MARCHF1: variants seen among roughly 807,000 people sequenced by gnomAD.
MARCHF1 encodes the protein E3 ubiquitin-protein ligase MARCHF1.
Under a neutral mutation model 54.2 loss-of-function variants are expected in MARCHF1, and 40 were observed. That is an observed-to-expected ratio of 0.74 (90% confidence interval 0.57 to 0.96). The LOEUF (loss-of-function observed/expected upper bound fraction) is 0.96, where lower values mean the gene tolerates loss of function less well. Ranked by LOEUF, MARCHF1 falls within the 40% of genes least tolerant of loss-of-function variation. The pLI, the probability that MARCHF1 is intolerant of heterozygous loss-of-function variation, is 0.00. For synonymous variants in MARCHF1, 236 were observed against 236.3 expected (o/e 1.00, Z 0.01); for missense variants, 586 against 656.5 (o/e 0.89, Z 1.17).
At chr4:163,881,767 T>C (rs948401462) in intron 3 of MARCHF1, among the ~76,000 whole-genome samples, 19 of 152,152 alleles carry the variant, frequency 1.2e-4, no homozygotes, top group African/African-American at 4.6e-4. Flanking sequence ...TGAACTTTAC[T>C]TGGGCCCATA....
At chr4:164,331,877 C>G (rs1472507863) in intron 1 of MARCHF1, among the ~76,000 whole-genome samples, 1 of 152,090 alleles carries the variant, frequency 6.6e-6, no homozygotes, top group Non-Finnish European at 1.5e-5. Flanking sequence ...AATAAAAGAA[C>G]TTCCATGTGC....
intron 4 of MARCHF1, among the ~76,000 whole-genome samples, chr4:163,820,709 T>A (rs1748669083): frequency 6.6e-6 from 1 of 152,024 alleles, no homozygotes; most frequent in East Asian, 1.9e-4. Context: ...TTTAGAGCCC[T>A]CTCTCTCATT....
chr4:163,910,671 A>G (rs1751170263), intron 3 of MARCHF1, among the ~76,000 whole-genome samples: 1 of 151,952 alleles, frequency 6.6e-6, no homozygotes, highest in Non-Finnish European at 1.5e-5. Context: ...ATTTTTTTGT[A>G]TTTTTAGTAG....
intron 1 of MARCHF1, among the ~76,000 whole-genome samples, chr4:164,177,001 T>TAC (rs1730705761): frequency 1.1e-5 from 1 of 91,682 alleles, no homozygotes; most frequent in Non-Finnish European, 2.0e-5. Flanking sequence ...TATATATATA[T>TAC]ATATATATAC....
In MARCHF1 at chr4:163,986,249, C is replaced by CT. The variant is rs869081083; in HGVS notation, c.-39+2251dup. Among the ~76,000 whole-genome samples the CT allele has an allele frequency of 2.0e-3, 59 of 28,884 alleles. 9 individuals carry two copies. The highest frequency in any genetic ancestry group is 3.6e-3 in the African/African-American group (37 of 10,162). The allele number at this position is 28,884 out of a possible 152,430, so 18.9% of individuals were successfully genotyped here. A position where few individuals can be genotyped will look rare whatever the true frequency, so the allele number is the denominator to read the frequency against. On this transcript the variant is annotated intron_variant, in intron 3 of 9. Coordinates refer to ENST00000514618, the MANE Select transcript of MARCHF1 (RefSeq NM_001394959.1). Reference sequence around the variant, plus strand: ...TTCCTTTTCTCCTAATTAACCTCTTCTTTTTTTTTTTTTTTTTTTTTTTTT... The same window carrying CT: ...TTCCTTTTCTCCTAATTAACCTCTTCTTTTTTTTTTTTTTTTTTTTTTTTTT...
At chr4:163,674,833 T>C (rs114903010) in intron 5 of MARCHF1, among the ~76,000 whole-genome samples, 2,859 of 152,264 alleles carry the variant, frequency 0.019, 93 homozygotes, top group African/African-American at 0.065. Context: ...AATCAGATAA[T>C]TGGTAATATT....
At chr4:163,823,082 T>C (rs1265103789) in intron 4 of MARCHF1, among the ~76,000 whole-genome samples, 1 of 151,860 alleles carries the variant, frequency 6.6e-6, no homozygotes, top group African/African-American at 2.4e-5. Flanking sequence ...ACAAAACTAA[T>C]ACAATTTTGG....
At chr4:164,215,555 C>T (rs991880941) in intron 1 of MARCHF1, among the ~76,000 whole-genome samples, 3 of 152,170 alleles carry the variant, frequency 2.0e-5, no homozygotes, top group Non-Finnish European at 4.4e-5. Context: ...GAGCCCTAGC[C>T]AGGGACCACG....
rs544225744 is a variant in MARCHF1, at chr4:164,088,885, A to G, written c.-248+22703T>C. 6.6e-5 allele frequency among the ~76,000 whole-genome samples: 10 copies of G among 152,360 alleles called. No homozygotes were observed. In the South Asian group the frequency reaches 2.1e-3, roughly 32 times the overall value. On this transcript the variant is annotated intron_variant, in intron 2 of 9. Transcript: ENST00000514618. ...TTATACAATAGGGATTATTTTCTTTAAATTATATGTAAGAAGAGATACATG... is the reference window on the plus strand; with the variant it reads ...TTATACAATAGGGATTATTTTCTTTGAATTATATGTAAGAAGAGATACATG...
chr4:164,181,677 C>T (rs549963056), intron 1 of MARCHF1, among the ~76,000 whole-genome samples: 4 of 152,160 alleles, frequency 2.6e-5, no homozygotes, highest in South Asian at 4.2e-4. Flanking sequence ...ATTTTTAGTA[C>T]GATGAAATAG....
At chr4:163,983,183 C>T (rs565939722) in intron 3 of MARCHF1, among the ~76,000 whole-genome samples, 1 of 152,122 alleles carries the variant, frequency 6.6e-6, no homozygotes, top group Non-Finnish European at 1.5e-5. Flanking sequence ...CAAAGTGAAG[C>T]ATGGCCACAT....
intron 1 of MARCHF1, among the ~76,000 whole-genome samples, chr4:164,221,721 CA>C (rs1732118513): frequency 6.6e-6 from 1 of 151,958 alleles, no homozygotes; most frequent in Non-Finnish European, 1.5e-5. Context: ...CCTGTTGCCT[CA>C]TGGTCACAAG....
At chr4:164,306,556 GCCTA>G (rs1251197618) in intron 1 of MARCHF1, among the ~76,000 whole-genome samples, 3 of 152,084 alleles carry the variant, frequency 2.0e-5, no homozygotes, top group Non-Finnish European at 4.4e-5. Context: ...CGTGAGTTCA[GCCTA>G]CCTCTTAGGC....
At chr4:163,991,440 T>C (rs1310339123) in intron 2 of MARCHF1, among the ~76,000 whole-genome samples, 1 of 152,140 alleles carries the variant, frequency 6.6e-6, no homozygotes, top group African/African-American at 2.4e-5. Flanking sequence ...GCAGCTTCCA[T>C]AGTGCTCTGC....
chr4:164,088,885 A>C (rs544225744), intron 2 of MARCHF1, among the ~76,000 whole-genome samples: 14 of 152,360 alleles, frequency 9.2e-5, no homozygotes, highest in Non-Finnish European at 1.9e-4. Flanking sequence ...TATTTTCTTT[A>C]AATTATATGT....
chr4:163,804,430 C>A (rs1302369308), intron 4 of MARCHF1, among the ~76,000 whole-genome samples: 2 of 152,108 alleles, frequency 1.3e-5, no homozygotes, highest in Non-Finnish European at 2.9e-5. Flanking sequence ...GGGCTGGGGA[C>A]AAATGATACT....
chr4:164,273,066 T>C (rs1249900629), intron 1 of MARCHF1, among the ~76,000 whole-genome samples: 1 of 151,972 alleles, frequency 6.6e-6, no homozygotes, highest in African/African-American at 2.4e-5. Flanking sequence ...TTTTTTTTTT[T>C]GTATTTTAAG....
At chr4:163,681,014 T>A (rs967024494) in intron 5 of MARCHF1, among the ~76,000 whole-genome samples, 3 of 149,480 alleles carry the variant, frequency 2.0e-5, no homozygotes, top group African/African-American at 7.3e-5. Context: ...TTAACATATT[T>A]AATAAATATA....
chr4:163,854,810 C>A (rs758362620), intron 3 of MARCHF1, among the ~76,000 whole-genome samples: 1 of 152,122 alleles, frequency 6.6e-6, no homozygotes. Context: ...TCTTTCTAGA[C>A]TTCTAGAACT....
Sources: gnomAD v4.1 joint callset for allele counts (sites outside exome capture counted in the v4.1 genomes callset) on GRCh38, gnomAD v4.1.1 for gene constraint, MANE v1.5 for transcripts, NCBI Gene and HGNC (gene_info 2026-07-23, HGNC 2026-07-21) for gene names.